The following ATP10A variants were observed in gnomAD, a reference collection of about 807,000 sequenced individuals.
The protein encoded by ATP10A is ATPase phospholipid transporting 10A (putative).
ATP10A carries 111 observed loss-of-function variants against 147.8 expected under a neutral mutation model. That is an observed-to-expected ratio of 0.75 (90% CI 0.64 to 0.88). ATP10A has a LOEUF of 0.88. Among genes scored for constraint, ATP10A ranks in the 40% least tolerant of loss-of-function variants. The pLI, the probability that ATP10A is intolerant of heterozygous loss-of-function variation, is 0.00. For synonymous variants in ATP10A, 875 were observed against 841.6 expected, an observed-to-expected ratio of 1.04 and a Z score of -0.69; for missense variants, 1,927 against 1,959.0, an observed-to-expected ratio of 0.98 and a Z score of 0.31.
At chr15:25,674,663 ATTAT>A (rs1899102571), downstream of ATP10A, among the ~76,000 whole-genome samples, 4 of 152,364 alleles carry the variant, frequency 2.6e-5, no homozygotes, top group African/African-American at 9.6e-5. Flanking sequence ...TCTGTCTTAC[ATTAT>A]TTATTATTTT....
At chr15:25,723,230 C>T (rs1253473796) in intron 6 of ATP10A, among the ~76,000 whole-genome samples, 1 of 151,988 alleles carries the variant, frequency 6.6e-6, no homozygotes, top group Non-Finnish European at 1.5e-5. Flanking sequence ...CACCTGTAAT[C>T]CCAGCTACTC....
intron 2 of ATP10A, among the ~76,000 whole-genome samples, chr15:25,761,145 T>C (rs929347143): frequency 2.0e-5 from 3 of 152,128 alleles, no homozygotes; most frequent in African/African-American, 4.8e-5. Context: ...AATCTCAAAA[T>C]ATTTATACTG....
chr15:25,745,595 T>G (rs1349962649), intron 2 of ATP10A, among the ~76,000 whole-genome samples: 1 of 151,908 alleles, frequency 6.6e-6, no homozygotes. Flanking sequence ...ATTGGCCTGA[T>G]GAAAGGACTA....
intron 1 of ATP10A, among the ~76,000 whole-genome samples, chr15:25,783,519 G>A (rs1224836795): frequency 1.1e-4 from 16 of 151,916 alleles, no homozygotes; most frequent in Admixed American, 6.6e-4. Context: ...GGAAACCATC[G>A]GCTGCCCTAG....
intron 2 of ATP10A, among the ~76,000 whole-genome samples, chr15:25,776,071 C>T (rs149472715): frequency 1.1e-4 from 17 of 152,358 alleles, no homozygotes; most frequent in Non-Finnish European, 2.2e-4. Flanking sequence ...ATAATAAATG[C>T]TCAGTACGTA....
At chr15:25,700,701 A>T (rs1159264860) in intron 13 of ATP10A, among the ~76,000 whole-genome samples, 1 of 152,176 alleles carries the variant, frequency 6.6e-6, no homozygotes, top group East Asian at 1.9e-4. Context: ...GCACGGGGGT[A>T]GCATGGCAGA....
chr15:25,758,763 A>ACCACC (rs1888577205), intron 2 of ATP10A, among the ~76,000 whole-genome samples: 1 of 126,078 alleles, frequency 7.9e-6, no homozygotes, highest in Non-Finnish European at 1.6e-5. Flanking sequence ...ACTCATTCCG[A>ACCACC]TCACCTGCTC....
intron 1 of ATP10A, among the ~76,000 whole-genome samples, chr15:25,789,753 G>C (rs1275831312): frequency 6.6e-6 from 1 of 152,092 alleles, no homozygotes; most frequent in African/African-American, 2.4e-5. Flanking sequence ...CGCCATCAGC[G>C]CTGTTGAGAT....
chr15:25,684,865 T>A (rs1046047595), intron 16 of ATP10A, among the ~76,000 whole-genome samples: 1 of 152,200 alleles, frequency 6.6e-6, no homozygotes, highest in African/African-American at 2.4e-5. Context: ...ATAGCTTATG[T>A]TGAAATAACC....
In ATP10A at chr15:25,802,454, C is replaced by A. The variant is rs557895247; in HGVS notation, c.450-21231G>T. Among the ~76,000 whole-genome samples, 180 of 152,322 alleles carry A rather than the reference C, an allele frequency of 1.2e-3. No individual in the cohort carries two copies. In the Middle Eastern group the frequency reaches 0.014, roughly 12 times the overall value. ...GACCACTAGGCCCATGAACTCGCTTCCTGGGGCTGCAGTAACAGGTCACCA... is the reference window on the plus strand; with the variant it reads ...GACCACTAGGCCCATGAACTCGCTTACTGGGGCTGCAGTAACAGGTCACCA... On this transcript the variant is annotated intron_variant, in intron 1 of 20. Transcript: ENST00000555815.
In ATP10A at chr15:25,788,144, C is replaced by T. The variant is rs116757749; in HGVS notation, c.450-6921G>A. On this transcript the variant is annotated intron_variant, in intron 1 of 20. Coordinates refer to ENST00000555815, the MANE Select transcript of ATP10A (RefSeq NM_024490.4). ...AAGTTCCTTCTGCACAAAGCCGCCA[C>T]ACCCTTCCTCACAAAATCCCTCCTG... 6.3e-3 allele frequency among the ~76,000 whole-genome samples: 962 copies of T among 152,362 alleles called. 16 individuals are homozygous for T. Among genetic ancestry groups the T allele is most frequent in the East Asian group, 0.03 (154 of 5,180 alleles).
At chr15:25,742,044 A>C (rs1887605637) in intron 2 of ATP10A, among the ~76,000 whole-genome samples, 1 of 152,256 alleles carries the variant, frequency 6.6e-6, no homozygotes, top group Admixed American at 6.5e-5. Context: ...TGTAATCTAT[A>C]ATAGCGGCTG....
intron 17 of ATP10A, 77 bp downstream of exon 17, chr15:25,683,209 G>T: frequency 7.2e-7 from 1 of 1,387,500 alleles, no homozygotes; most frequent in South Asian, 1.2e-5. Context: ...GGGAGGCTGG[G>T]GGACTGGCAC....
intron 16 of ATP10A, among the ~76,000 whole-genome samples, chr15:25,687,449 A>T (rs1320656410): frequency 6.6e-6 from 1 of 151,834 alleles, no homozygotes; most frequent in Non-Finnish European, 1.5e-5. Flanking sequence ...CCATCAGTGG[A>T]CTTGCTAGTG....
intron 2 of ATP10A, among the ~76,000 whole-genome samples, chr15:25,754,242 T>C (rs924175510): frequency 2.0e-5 from 3 of 152,202 alleles, no homozygotes; most frequent in Admixed American, 6.5e-5. Flanking sequence ...CAAGAGATTC[T>C]CCTGCCTCAG....
At chr15:25,706,205 C>T (rs1901001883) in intron 12 of ATP10A, among the ~76,000 whole-genome samples, 1 of 152,164 alleles carries the variant, frequency 6.6e-6, no homozygotes, top group South Asian at 2.1e-4. Flanking sequence ...GCCGCAGGGG[C>T]CGTTAACAAC....
rs561320935 is a variant in ATP10A at position 25,762,980 on chromosome 15, G to GT, written c.654+18038dup. Among the ~76,000 whole-genome samples, 18 of 151,416 alleles carry GT rather than the reference G, an allele frequency of 1.2e-4. No homozygotes were observed. The South Asian group carries it at 3.2e-3, about 27-fold the overall frequency. On this transcript the variant is annotated intron_variant, in intron 2 of 20. Coordinates refer to ENST00000555815, the MANE Select transcript of ATP10A (RefSeq NM_024490.4). ...AAGTTTTCAACCGATAATTAACAAT[G>GT]TGTTTTTTTCAAGTGACACACATTT... is the stretch of plus-strand genomic sequence containing the variant.
At chr15:25,796,052 G>C (rs1401833681) in intron 1 of ATP10A, among the ~76,000 whole-genome samples, 1 of 152,158 alleles carries the variant, frequency 6.6e-6, no homozygotes, top group Non-Finnish European at 1.5e-5. Flanking sequence ...GCAGAACCGT[G>C]AGCCAAATAA....
chr15:25,752,657 ACT>A (rs1366209660), intron 2 of ATP10A, among the ~76,000 whole-genome samples: 3 of 152,098 alleles, frequency 2.0e-5, no homozygotes, highest in African/African-American at 2.4e-5. Flanking sequence ...GAGCCTTGTA[ACT>A]CTACATAAAT....
Sources: gnomAD v4.1 joint callset for allele counts (sites outside exome capture counted in the v4.1 genomes callset) on GRCh38, gnomAD v4.1.1 for gene constraint, MANE v1.5 for transcripts, NCBI Gene and HGNC (gene_info 2026-07-23, HGNC 2026-07-21) for gene names.